Variants in PDZRN4 observed in about 807,000 individuals in gnomAD.
PDZRN4 encodes the protein PDZ domain containing ring finger 4.
A neutral mutation model predicts 99.0 loss-of-function variants in PDZRN4; 70 were observed. The observed-to-expected ratio is 0.71, with a 90% CI of 0.58 to 0.86. PDZRN4 has a LOEUF of 0.86. PDZRN4 is among the 40% of genes least tolerant of loss of function. PDZRN4 has a pLI of 0.00. For synonymous variants in PDZRN4, 551 were observed against 501.6 expected (o/e 1.10, Z -1.32); for missense variants, 1,474 against 1,331.2 (o/e 1.11, Z -1.67).
At chr12:41,371,903 C>G (rs1178513457) in intron 3 of PDZRN4, among the ~76,000 whole-genome samples, 1 of 152,072 alleles carries the variant, frequency 6.6e-6, no homozygotes, top group African/African-American at 2.4e-5. Flanking sequence ...TCTGGCGAGG[C>G]AGCAGGTCAT....
intron 3 of PDZRN4, among the ~76,000 whole-genome samples, chr12:41,279,013 G>A (rs1356963684): frequency 6.6e-6 from 1 of 152,040 alleles, no homozygotes; most frequent in African/African-American, 2.4e-5. Context: ...AGGATTTTTG[G>A]GACACTAAAA....
chr12:41,497,345 A>G (rs756902685), intron 3 of PDZRN4, among the ~76,000 whole-genome samples: 3 of 152,118 alleles, frequency 2.0e-5, no homozygotes, highest in Non-Finnish European at 4.4e-5. Flanking sequence ...TTTATTGTAT[A>G]TATGCCTTAT....
At chr12:41,486,025 A>G (rs1393003806) in intron 3 of PDZRN4, among the ~76,000 whole-genome samples, 3 of 152,152 alleles carry the variant, frequency 2.0e-5, no homozygotes, top group African/African-American at 7.2e-5. Context: ...ATCACAATCA[A>G]TAGTTTCCAG....
At position 41,468,158 on chromosome 12, in the gene PDZRN4, G is replaced by A. The variant is rs189384396; in HGVS notation, c.844-38298G>A. On this transcript the variant is annotated intron_variant, in intron 3 of 9. Coordinates refer to ENST00000402685, the MANE Select transcript of PDZRN4 (RefSeq NM_001164595.2). ...GGAGTGTGGGCAAAGTACTGGCTGC[G>A]CATAGGGAAGAAAGGGATAATTTGA... is the stretch of plus-strand genomic sequence containing the variant. Among the ~76,000 whole-genome samples the A allele has an allele frequency of 1.3e-4, 20 of 152,300 alleles. No homozygotes were observed. The East Asian group carries it at 1.7e-3, about 13-fold the overall frequency.
At chr12:41,564,103 A>G (rs1156829840) in intron 8 of PDZRN4, among the ~76,000 whole-genome samples, 1 of 152,218 alleles carries the variant, frequency 6.6e-6, no homozygotes, top group Non-Finnish European at 1.5e-5. Context: ...CTTAAATGGC[A>G]TATGAAGATA....
At chr12:41,565,670 G>C (rs1045269736) in intron 8 of PDZRN4, among the ~76,000 whole-genome samples, 5 of 151,948 alleles carry the variant, frequency 3.3e-5, no homozygotes, top group Admixed American at 2.0e-4. Flanking sequence ...TTGTACATCT[G>C]TGCAATATTT....
At chr12:41,476,571 C>T (rs1953044767) in intron 3 of PDZRN4, among the ~76,000 whole-genome samples, 1 of 152,292 alleles carries the variant, frequency 6.6e-6, no homozygotes, top group African/African-American at 2.4e-5. Context: ...CCTCCCCTTC[C>T]CAATGCTCCT....
chr12:41,259,129 C>A (rs11180505), intron 3 of PDZRN4, among the ~76,000 whole-genome samples: 2 of 151,850 alleles, frequency 1.3e-5, no homozygotes, highest in East Asian at 1.9e-4. Flanking sequence ...TAATGGCTAT[C>A]GTTGGCTGAT....
At chr12:41,203,537 T>C (rs530651408) in intron 3 of PDZRN4, among the ~76,000 whole-genome samples, 2 of 152,162 alleles carry the variant, frequency 1.3e-5, no homozygotes, top group East Asian at 3.9e-4. Context: ...GGTTATTATA[T>C]GTCAAGCATT....
At chr12:41,253,686 A>C (rs1951186250) in intron 3 of PDZRN4, among the ~76,000 whole-genome samples, 1 of 152,142 alleles carries the variant, frequency 6.6e-6, no homozygotes, top group Non-Finnish European at 1.5e-5. Flanking sequence ...ATATACCTGC[A>C]CTCCCATATT....
intron 3 of PDZRN4, among the ~76,000 whole-genome samples, chr12:41,302,294 A>T (rs1286573525): frequency 6.6e-6 from 1 of 152,070 alleles, no homozygotes; most frequent in Admixed American, 6.6e-5. Flanking sequence ...TTTATTATTA[A>T]AATCATATAG....
At position 41,506,549 on chromosome 12, in the gene PDZRN4, C is replaced by T. The variant is rs1399342728; in HGVS notation, c.937C>T (p.Arg313Ter). 6.2e-7 allele frequency: 1 copy of T among 1,613,650 alleles called. No individual in the cohort carries two copies. The highest frequency in any genetic ancestry group is 8.5e-7 in the Non-Finnish European group (1 of 1,179,740). Residue 313 changes from arginine (R) to a stop codon, truncating the protein, a stop_gained, in exon 4 of 10, where the codon CGA (arginine) becomes TGA (stop). Transcript: ENST00000402685. LOFTEE classifies it high-confidence loss of function. The part of the protein sequence containing the change: ...KEPIVVQVLR[R>*]TPLSRPAYGM... ...GCCCATTGTGGTGCAGGTGTTAAGG[C>T]GAACACCTCTTAGTAGACCAGCCTA... is the stretch of plus-strand genomic sequence containing the variant.
intron 3 of PDZRN4, among the ~76,000 whole-genome samples, chr12:41,231,153 C>T (rs753820746): frequency 2.6e-5 from 4 of 152,150 alleles, no homozygotes; most frequent in African/African-American, 7.2e-5. Flanking sequence ...ATGAAAAACA[C>T]TCATTAGGGC....
intron 3 of PDZRN4, among the ~76,000 whole-genome samples, chr12:41,393,527 T>C (rs1247730363): frequency 2.0e-5 from 3 of 152,174 alleles, no homozygotes; most frequent in African/African-American, 7.2e-5. Flanking sequence ...AAATGTAGCT[T>C]TTCTTATTAT....
At position 41,556,735 on chromosome 12, in the gene PDZRN4, T is replaced by C. The variant is rs548466595; in HGVS notation, c.1365+975T>C. On this transcript the variant is annotated intron_variant, in intron 7 of 9. Coordinates refer to ENST00000402685, the MANE Select transcript of PDZRN4 (RefSeq NM_001164595.2). ...TATGCAAGAGATAGTAAGCAGACTG[T>C]AGGAGGGATGTGAGGCTGGAAAGAG... Among the ~76,000 whole-genome samples the C allele has an allele frequency of 7.0e-4, 106 of 152,320 alleles. 1 individual carries two copies. Among genetic ancestry groups the C allele is most frequent in the Non-Finnish European group, 1.2e-3 (83 of 68,020 alleles).
chr12:41,425,043 G>A (rs897127883), intron 3 of PDZRN4, among the ~76,000 whole-genome samples: 3 of 152,012 alleles, frequency 2.0e-5, no homozygotes, highest in African/African-American at 2.4e-5. Flanking sequence ...GGCATGGATC[G>A]AAACAACATT....
intron 3 of PDZRN4, among the ~76,000 whole-genome samples, chr12:41,388,352 A>G (rs1952186572): frequency 6.6e-6 from 1 of 151,854 alleles, no homozygotes; most frequent in African/African-American, 2.4e-5. Context: ...CTATGTAACA[A>G]ACTACACATG....
chr12:41,339,754 T>C (rs967571623), intron 3 of PDZRN4, among the ~76,000 whole-genome samples: 1 of 151,948 alleles, frequency 6.6e-6, no homozygotes, highest in Non-Finnish European at 1.5e-5. Context: ...AATTTAAAAA[T>C]GGGCAAAAGG....
chr12:41,361,771 C>T (rs776578439), intron 3 of PDZRN4, among the ~76,000 whole-genome samples: 1 of 152,048 alleles, frequency 6.6e-6, no homozygotes, highest in Non-Finnish European at 1.5e-5. Flanking sequence ...AAGGGATCTG[C>T]ACAGCACATC....
Sources: allele counts gnomAD v4.1 joint callset (sites outside exome capture counted in the v4.1 genomes callset), GRCh38; gene constraint gnomAD v4.1.1; transcripts MANE v1.5; gene names NCBI Gene and HGNC (gene_info 2026-07-23, HGNC 2026-07-21).